The following SLC45A3 variants were observed in gnomAD, a reference collection of about 807,000 sequenced individuals.
SLC45A3 encodes prostate cancer associated protein 2.
In SLC45A3, 17 loss-of-function variants were observed where a neutral mutation model predicts 35.3. The ratio of observed to expected loss-of-function variants is 0.48; its 90% CI spans 0.33 to 0.72. SLC45A3 has a LOEUF of 0.72. Among genes scored for constraint, SLC45A3 ranks in the 30% least tolerant of loss-of-function variants. The pLI is 0.02. For missense variants in SLC45A3, 597 were observed against 731.7 expected (o/e 0.82, Z 2.12); for synonymous variants, 288 against 334.3 (o/e 0.86, Z 1.51).
At chr1:205,677,108 C>A (rs544341753) in intron 1 of SLC45A3, among the ~76,000 whole-genome samples, 90 of 152,216 alleles carry the variant, frequency 5.9e-4, no homozygotes, top group Non-Finnish European at 1.2e-3. Flanking sequence ...AGGCTCTTAA[C>A]TTCTCAGGAT....
chr1:205,660,762 G>A (rs1353469978), intron 4 of SLC45A3, among the ~76,000 whole-genome samples: 1 of 152,046 alleles, frequency 6.6e-6, no homozygotes, highest in African/African-American at 2.4e-5. Flanking sequence ...CACATACTCA[G>A]GCCTGGCCGC....
In SLC45A3 at chr1:205,666,895, C is replaced by T. The variant is rs367951307; in HGVS notation, c.-230-2009G>A. Among the ~76,000 whole-genome samples the T allele has an allele frequency of 6.6e-5, 10 of 152,136 alleles. No individual in the cohort carries two copies. The highest frequency in any genetic ancestry group is 3.9e-4 in the East Asian group (2 of 5,188). ...ATCCAGCCTAAAGGGAGGGGTTCTGCGGCCAAAGGCTTCCAGCCCATTCCA... is the reference window on the plus strand; with the variant it reads ...ATCCAGCCTAAAGGGAGGGGTTCTGTGGCCAAAGGCTTCCAGCCCATTCCA... On this transcript the variant is annotated intron_variant, in intron 1 of 4. Coordinates refer to ENST00000367145, the MANE Select transcript of SLC45A3 (RefSeq NM_033102.3). The surrounding 1 kb of genome is among the most constrained non-coding windows in gnomAD (Gnocchi z 4.1).
chr1:205,671,688 C>T (rs11240550), intron 1 of SLC45A3, among the ~76,000 whole-genome samples: 116,417 of 152,026 alleles, frequency 0.77, 47,245 homozygotes, highest in East Asian at 1. Flanking sequence ...GGTGAAACCC[C>T]GTCTCTACTA....
chr1:205,664,542 C>T lies in SLC45A3; in HGVS notation c.115G>A (p.Val39Met). Residue 39 changes from valine (V) to methionine (M), a missense_variant, in exon 2 of 5, where the codon GTG (valine) becomes ATG (methionine). This residue lies in a region of SLC45A3 where 5 missense variants were observed against 25.6 expected (regional missense o/e 0.20). Coordinates refer to ENST00000367145, the MANE Select transcript of SLC45A3 (RefSeq NM_033102.3). This position sits in a 1 kb window ranked among gnomAD's most constrained non-coding sequence, Gnocchi z 5.3. The part of the protein sequence containing the change: ...EVCLAAGITY[V>M]PPLLLEVGVE... ...CCCACTTCCAGCAGCAGAGGCGGCA[C>T]ATAGGTGATGCCTGCGGCCAAACAC... 9 of 1,614,218 alleles carry T rather than the reference C, an allele frequency of 5.6e-6. No homozygotes were observed. Among genetic ancestry groups the T allele is most frequent in the Non-Finnish European group, 7.6e-6 (9 of 1,180,030 alleles).
chr1:205,658,957 A>T lies in SLC45A3; in HGVS notation c.*277T>A, dbSNP rs1383365129. On this transcript the variant is annotated 3_prime_UTR_variant, in exon 5 of 5. Coordinates refer to ENST00000367145, the MANE Select transcript of SLC45A3 (RefSeq NM_033102.3). ...CTGCAGAGTCCCCGCATTCCAGTGC[A>T]TGGAGCCCTTCTGGCCTCCCTGTAT... is the stretch of plus-strand genomic sequence containing the variant. 2.3e-6 allele frequency: 1 copy of T among 439,678 alleles called. No individual in the cohort carries two copies. The highest frequency in any genetic ancestry group is 1.9e-5 in the African/African-American group (1 of 51,546). The allele number at this position is 439,678 out of a possible 1,614,324, so 27.2% of individuals were successfully genotyped here. A position where few individuals can be genotyped will look rare whatever the true frequency, so the allele number is the denominator to read the frequency against.
Position 205,662,616 on chromosome 1 carries a change from C to T in SLC45A3, c.958+217G>A, listed in dbSNP as rs904381248. ...CTTCTGTCAAACTGGGGCAACGACTCTGATCAGACTCCTAGAGCAGCCAGA... is the reference window on the plus strand; with the variant it reads ...CTTCTGTCAAACTGGGGCAACGACTTTGATCAGACTCCTAGAGCAGCCAGA... On this transcript the variant is annotated intron_variant, in intron 3 of 4. Transcript: ENST00000367145. The surrounding 1 kb of genome is among the most constrained non-coding windows in gnomAD (Gnocchi z 6.2). 6.6e-6 allele frequency: 9 copies of T among 1,353,988 alleles called. No individual in the cohort carries two copies. In the African/African-American group the frequency reaches 1.2e-4, roughly 18 times the overall value. 83.9% of individuals were successfully genotyped at this position (1,353,988 alleles called of 1,614,324 possible).
rs1346808011 is a variant in SLC45A3 at position 205,662,921 on chromosome 1, C to A, written c.870G>T (p.Leu290=). The A allele has an allele frequency of 6.2e-7, 1 of 1,613,442 alleles. No homozygotes were observed. Among genetic ancestry groups the A allele is most frequent in the Non-Finnish European group, 8.5e-7 (1 of 1,180,008 alleles). Residue 290 remains leucine (L), a synonymous_variant, in exon 3 of 5, where the codon CTG becomes CTT. Transcript: ENST00000367145. This position sits in a 1 kb window ranked among gnomAD's most constrained non-coding sequence, Gnocchi z 6.2. ...CSWMALMTFT[L]FYTDFVGEGL... ...CCTCGCCCACGAAATCCGTGTAAAA[C>A]AGCGTGAAGGTCATGAGTGCCATCC...
chr1:205,674,028 G>T (rs1671257692), intron 1 of SLC45A3, among the ~76,000 whole-genome samples: 1 of 152,192 alleles, frequency 6.6e-6, no homozygotes, highest in East Asian at 1.9e-4. Flanking sequence ...TGGCAAAAGG[G>T]ATAAAATGCA....
intron 1 of SLC45A3, among the ~76,000 whole-genome samples, chr1:205,665,186 C>T (rs1160694858): frequency 2.0e-5 from 3 of 152,106 alleles, no homozygotes; most frequent in East Asian, 1.9e-4. Context: ...TATTGGGGAG[C>T]GGGAGGGAGC....
Position 205,659,557 on chromosome 1 carries a change from C to A in SLC45A3, c.1339G>T (p.Gly447Cys). 2 of 1,602,350 alleles carry A rather than the reference C, an allele frequency of 1.2e-6. No homozygotes were observed. Among genetic ancestry groups the A allele is most frequent in the Non-Finnish European group, 1.7e-6 (2 of 1,173,946 alleles). Residue 447 changes from glycine to cysteine, a missense_variant, in exon 5 of 5, where the codon GGT becomes TGT. Coordinates refer to ENST00000367145, the MANE Select transcript of SLC45A3 (RefSeq NM_033102.3). This position sits in a 1 kb window ranked among gnomAD's most constrained non-coding sequence, Gnocchi z 5.8. Reference sequence around the variant, plus strand: ...GGGAGCAGGCCACTGCCTCCAGCACCCACGTGTCCATTAGGGAAGGGAGCT... The same window carrying A: ...GGGAGCAGGCCACTGCCTCCAGCACACACGTGTCCATTAGGGAAGGGAGCT... ...PGAPFPNGHV[G>C]AGGSGLLPPP...
rs1187757628 is a variant in SLC45A3 at position 205,658,197 on chromosome 1, GTGCCT to G, written c.*1032_*1036del. 4 of 231,676 alleles carry G rather than the reference GTGCCT, an allele frequency of 1.7e-5. No homozygotes were observed. Among genetic ancestry groups the G allele is most frequent in the Admixed American group, 1.1e-4 (2 of 17,696 alleles). 14.4% of individuals were successfully genotyped at this position (231,676 alleles called of 1,614,324 possible). A position where few individuals can be genotyped will look rare whatever the true frequency, so the allele number is the denominator to read the frequency against. On this transcript the variant is annotated 3_prime_UTR_variant, in exon 5 of 5. Coordinates refer to ENST00000367145, the MANE Select transcript of SLC45A3 (RefSeq NM_033102.3). ...TTGGGGGTAGGGGAAATTTTGGGCA[GTGCCT>G]TCATCAGCCCAGTCCTAGAGAGAGT...
In SLC45A3 at chr1:205,662,383, G is replaced by A; in HGVS notation, c.959-257C>T. 1 of 1,387,192 alleles carries A rather than the reference G, an allele frequency of 7.2e-7. No individual in the cohort carries two copies. The highest frequency in any genetic ancestry group is 9.3e-7 in the Non-Finnish European group (1 of 1,074,296). 85.9% of individuals were successfully genotyped at this position (1,387,192 alleles called of 1,614,324 possible). On this transcript the variant is annotated intron_variant, in intron 3 of 4. Coordinates refer to ENST00000367145, the MANE Select transcript of SLC45A3 (RefSeq NM_033102.3). The surrounding 1 kb of genome is among the most constrained non-coding windows in gnomAD (Gnocchi z 6.2). Reference sequence around the variant, plus strand: ...TGAAGGTTTCCTGGGAGTCTCAGCTGTGAGGACAGGCGGGTGAGAGGGAAC... The same window carrying A: ...TGAAGGTTTCCTGGGAGTCTCAGCTATGAGGACAGGCGGGTGAGAGGGAAC...
At chr1:205,668,091 C>T (rs563727673) in intron 1 of SLC45A3, among the ~76,000 whole-genome samples, 2 of 152,232 alleles carry the variant, frequency 1.3e-5, no homozygotes, top group South Asian at 2.1e-4. Flanking sequence ...CTCTGCCCAG[C>T]GGGTCCAGAG....
Position 205,669,528 on chromosome 1 carries a change from G to A in SLC45A3, c.-230-4642C>T, listed in dbSNP as rs866539656. ...CCTCTACTGACAGACAGAGGCCCGTGGAAGCCCAGGCTGGGGGCAGCCCCC... is the reference window on the plus strand; with the variant it reads ...CCTCTACTGACAGACAGAGGCCCGTAGAAGCCCAGGCTGGGGGCAGCCCCC... On this transcript the variant is annotated intron_variant, in intron 1 of 4. Transcript: ENST00000367145. The surrounding 1 kb of genome is among the most constrained non-coding windows in gnomAD (Gnocchi z 4.1). Among the ~76,000 whole-genome samples the A allele has an allele frequency of 2.0e-5, 3 of 152,236 alleles. No individual in the cohort carries two copies. The South Asian group carries it at 6.2e-4, about 32-fold the overall frequency.
chr1:205,659,597 T>C lies in SLC45A3; in HGVS notation c.1299A>G (p.Pro433=). 1 of 1,566,420 alleles carries C rather than the reference T, an allele frequency of 6.4e-7. No homozygotes were observed. The highest frequency in any genetic ancestry group is 8.6e-7 in the Non-Finnish European group (1 of 1,157,920). Residue 433 remains proline (P), a synonymous_variant, in exon 5 of 5, where the codon CCA becomes CCG. Coordinates refer to ENST00000367145, the MANE Select transcript of SLC45A3 (RefSeq NM_033102.3). The surrounding 1 kb of genome is among the most constrained non-coding windows in gnomAD (Gnocchi z 5.8). The part of the protein sequence containing the change: ...SEDSLMTSFL[P]GPKPGAPFPN... ...GGAAGGGAGCTCCAGGCTTAGGGCC[T>C]GGCAGGAAGCTGGTCATCAGGCTGT...
chr1:205,662,946 C>G lies in SLC45A3; in HGVS notation c.845G>C (p.Trp282Ser). 6.2e-7 allele frequency: 1 copy of G among 1,613,656 alleles called. No individual in the cohort carries two copies. The highest frequency in any genetic ancestry group is 8.5e-7 in the Non-Finnish European group (1 of 1,180,004). ...RRLFVAELCSWMALMTFTLFY... is the reference protein window; with the variant it reads ...RRLFVAELCSSMALMTFTLFY... ...CAGCGTGAAGGTCATGAGTGCCATC[C>G]AGCTGCACAGCTCAGCCACGAAGAG... The change falls in exon 3 of 5, where the codon TGG (tryptophan) becomes TCG (serine). Residue 282 changes from tryptophan (W) to serine (S), a missense_variant. Physicochemically the swap from Trp to Ser is radical, Grantham distance 177. Around this residue, in one of 3 missense-constraint regions of SLC45A3, gnomAD observed 555 missense variants for 664.9 expected, o/e 0.83. Transcript: ENST00000367145. This position sits in a 1 kb window ranked among gnomAD's most constrained non-coding sequence, Gnocchi z 6.2.
rs1487901972 is a variant in SLC45A3, at chr1:205,663,009, T to C, written c.782A>G (p.His261Arg). The C allele has an allele frequency of 1.9e-6, 3 of 1,611,898 alleles. No homozygotes were observed. Among genetic ancestry groups the C allele is most frequent in the Non-Finnish European group, 2.5e-6 (3 of 1,178,970 alleles). The change falls in exon 3 of 5, where the codon CAC (histidine) becomes CGC (arginine). Residue 261 changes from histidine (H) to arginine (R), a missense_variant. Coordinates refer to ENST00000367145, the MANE Select transcript of SLC45A3 (RefSeq NM_033102.3). ...RNLGALLPRL[H>R]QLCCRMPRTL... ...GCGGGGCATGCGGCAGCACAGCTGGTGCAGCCGGGGAAGCAGGGCGCCCAG... is the reference window on the plus strand; with the variant it reads ...GCGGGGCATGCGGCAGCACAGCTGGCGCAGCCGGGGAAGCAGGGCGCCCAG...
intron 1 of SLC45A3, among the ~76,000 whole-genome samples, chr1:205,665,647 C>A (rs1671107077): frequency 6.6e-6 from 1 of 152,156 alleles, no homozygotes; most frequent in East Asian, 1.9e-4. Context: ...ACCAGTGACT[C>A]CCCCAAGCTG....
At position 205,663,025 on chromosome 1, in the gene SLC45A3, G is replaced by C. The variant is rs575926192; in HGVS notation, c.766C>G (p.Leu256Val). The C allele has an allele frequency of 6.2e-7, 1 of 1,610,638 alleles. No homozygotes were observed. The highest frequency in any genetic ancestry group is 8.5e-7 in the Non-Finnish European group (1 of 1,178,096). Residue 256 changes from leucine to valine, a missense_variant, in exon 3 of 5, where the codon CTG becomes GTG. By Grantham distance (32) the Leu-to-Val change is conservative. Coordinates refer to ENST00000367145, the MANE Select transcript of SLC45A3 (RefSeq NM_033102.3). ...CACAGCTGGTGCAGCCGGGGAAGCA[G>C]GGCGCCCAGGTTCCGGAAAGCCAAG... ...ARLAFRNLGA[L>V]LPRLHQLCCR... is the part of the protein sequence containing the mutation.
Sources: allele counts gnomAD v4.1 joint callset (sites outside exome capture counted in the v4.1 genomes callset), GRCh38; gene constraint gnomAD v4.1.1; regional missense constraint gnomAD v4.1.1; non-coding constraint Gnocchi (gnomAD v3.1); transcripts MANE v1.5; gene names NCBI Gene and HGNC (gene_info 2026-07-23, HGNC 2026-07-21).